The following DNAH3 variants were observed in gnomAD, a reference collection of about 807,000 sequenced individuals.
DNAH3 encodes the protein axonemal beta dynein heavy chain 3.
A neutral mutation model predicts 432.5 loss-of-function variants in DNAH3; 332 were observed. The observed-to-expected ratio is 0.77, with a 90% CI of 0.70 to 0.84. DNAH3 has a LOEUF of 0.84. DNAH3 is among the 40% of genes least tolerant of loss of function. The probability of loss-of-function intolerance (pLI) is 0.00; values close to 1 mark genes in which losing one functional copy is unlikely to be tolerated. For synonymous variants in DNAH3, 1,956 were observed against 1,900.2 expected (o/e 1.03, Z -0.76); for missense variants, 4,861 against 5,114.0 (o/e 0.95, Z 1.51).
At chr16:21,079,822 G>C (rs895027469) in intron 20 of DNAH3, among the ~76,000 whole-genome samples, 1 of 152,164 alleles carries the variant, frequency 6.6e-6, no homozygotes, top group Non-Finnish European at 1.5e-5. Flanking sequence ...CTCTAGGCCT[G>C]CTCGTTAATG....
exon 60 of DNAH3, chr16:20,936,828 G>C (rs761165887): frequency 6.2e-7 from 1 of 1,612,680 alleles, no homozygotes; most frequent in East Asian, 2.2e-5. Context: ...AGATTGATGA[G>C]GCTCCTCCGA....
At chr16:21,100,128 G>A (rs1361640727) in intron 16 of DNAH3, among the ~76,000 whole-genome samples, 1 of 152,116 alleles carries the variant, frequency 6.6e-6, no homozygotes, top group Non-Finnish European at 1.5e-5. Flanking sequence ...CTGGAGTGCA[G>A]TGGCACAATC....
chr16:20,944,206 A>AG (rs1555505992), intron 58 of DNAH3, among the ~76,000 whole-genome samples: 3 of 388 alleles, frequency 7.7e-3, no homozygotes, highest in South Asian at 0.038. Context: ...CAAAAGAAAA[A>AG]AAAAAAGAAT....
chr16:21,031,117 C>A lies in DNAH3; in HGVS notation c.5367G>T (p.Trp1789Cys). 1 of 1,614,146 alleles carries A rather than the reference C, an allele frequency of 6.2e-7. No individual in the cohort carries two copies. The highest frequency in any genetic ancestry group is 8.5e-7 in the Non-Finnish European group (1 of 1,180,024). ...CATCCACTGGCCCATCAAATATAATCCACTTGCGATCATCAGAGAGTGAAG... is the reference window on the plus strand; with the variant it reads ...CATCCACTGGCCCATCAAATATAATACACTTGCGATCATCAGAGAGTGAAG... The change falls in exon 37 of 62, where the codon TGG becomes TGT. Residue 1789 changes from tryptophan (W) to cysteine (C), a missense_variant. Physicochemically the swap from Trp to Cys is radical, Grantham distance 215. Transcript: ENST00000261383.
At chr16:20,997,164 A>C (rs2086796445) in intron 44 of DNAH3, 119 bp downstream of exon 44, 1 of 931,798 alleles carries the variant, frequency 1.1e-6, no homozygotes, top group Admixed American at 2.5e-5. Context: ...CTTCTGCTCC[A>C]TGCTCCTGCC....
At chr16:20,965,889 T>G (rs913697112) in intron 52 of DNAH3, among the ~76,000 whole-genome samples, 1 of 151,068 alleles carries the variant, frequency 6.6e-6, no homozygotes, top group South Asian at 2.1e-4. Context: ...ATTTTTGTAT[T>G]TTTAGTAGAG....
At chr16:20,954,341 A>AGTGTGGTGG (rs1390200757) in intron 55 of DNAH3, among the ~76,000 whole-genome samples, 1 of 142,196 alleles carries the variant, frequency 7.0e-6, no homozygotes, top group Non-Finnish European at 1.5e-5. Context: ...CCCAGGCTGG[A>AGTGTGGTGG]GTGTGGTGGT....
intron 46 of DNAH3, 22 bp from the exon 47 acceptor site, chr16:20,987,470 T>C: frequency 6.2e-7 from 1 of 1,613,406 alleles, no homozygotes; most frequent in Non-Finnish European, 8.5e-7. Context: ...GAGTTAATTA[T>C]TCAAACGAGT....
At chr16:21,111,751 G>A (rs754000957) in exon 14 of DNAH3, 48 of 1,613,820 alleles carry the variant, frequency 3.0e-5, no homozygotes, top group East Asian at 6.7e-5. Flanking sequence ...CTAAAGGCAC[G>A]GTGATGTTCA....
At chr16:21,074,268 C>T (rs1190210607) in intron 21 of DNAH3, among the ~76,000 whole-genome samples, 1 of 152,108 alleles carries the variant, frequency 6.6e-6, no homozygotes, top group African/African-American at 2.4e-5. Flanking sequence ...TTTTGGTTCT[C>T]AATCTACATT....
intron 18 of DNAH3, among the ~76,000 whole-genome samples, chr16:21,090,976 A>G (rs992339192): frequency 3.9e-5 from 6 of 151,984 alleles, no homozygotes; most frequent in African/African-American, 1.4e-4. Flanking sequence ...ACATGGCAAA[A>G]TCCTGTCTCT....
Position 20,954,972 on chromosome 16 carries a change from CTTTGG to C in DNAH3, c.10907_10911del (p.Pro3636ArgfsTer13). 1 of 1,614,162 alleles carries C rather than the reference CTTTGG, an allele frequency of 6.2e-7. No homozygotes were observed. The highest frequency in any genetic ancestry group is 1.1e-5 in the South Asian group (1 of 91,080). ...GAGCGCAACAGGTTGGCCCGGAGCC[CTTTGG>C]GGGGCTCATTGGTCATTTTGATTCC... On this transcript the variant is annotated frameshift_variant, in exon 55 of 62. Coordinates refer to ENST00000261383, the Ensembl canonical transcript of DNAH3. LOFTEE classifies it high-confidence loss of function.
chr16:21,058,050 G>T, intron 27 of DNAH3, 36 bp downstream of exon 27: 3 of 1,171,554 alleles, frequency 2.6e-6, no homozygotes, highest in Non-Finnish European at 3.9e-6. Context: ...ATTGATGCTT[G>T]GATCTCTTCT....
chr16:20,933,281 C>A, exon 62 of DNAH3: 1 of 1,614,118 alleles, frequency 6.2e-7, no homozygotes, highest in Non-Finnish European at 8.5e-7. Flanking sequence ...GGTTCCTCTG[C>A]GGGCACTTGT....
At position 21,012,873 on chromosome 16, in the gene DNAH3, C is replaced by T. The variant is rs116383784; in HGVS notation, c.6022+6751G>A. On this transcript the variant is annotated intron_variant, in intron 41 of 61. Transcript: ENST00000261383. Reference sequence around the variant, plus strand: ...AACTCCTAGGCTCAAGCAATCATCCCGCCTCAGCCTCCTGAGTAGGTGGGA... The same window carrying T: ...AACTCCTAGGCTCAAGCAATCATCCTGCCTCAGCCTCCTGAGTAGGTGGGA... Among the ~76,000 whole-genome samples the T allele has an allele frequency of 5.3e-3, 808 of 152,112 alleles. 5 individuals are homozygous for T. The highest frequency in any genetic ancestry group is 0.018 in the African/African-American group (746 of 41,494).
intron 41 of DNAH3, among the ~76,000 whole-genome samples, chr16:21,016,744 T>A (rs888209698): frequency 6.6e-6 from 1 of 152,114 alleles, no homozygotes; most frequent in Non-Finnish European, 1.5e-5. Context: ...AGCCAAAAGG[T>A]GCAAATAACT....
chr16:20,944,158 AAGAG>A (rs149183028), intron 58 of DNAH3, among the ~76,000 whole-genome samples: 1 of 151,176 alleles, frequency 6.6e-6, no homozygotes, highest in Non-Finnish European at 1.5e-5. Context: ...TTAAAAAAAA[AAGAG>A]AGTTAGTTTT....
intron 53 of DNAH3, among the ~76,000 whole-genome samples, chr16:20,960,664 C>T (rs1191027070): frequency 1.3e-5 from 2 of 152,158 alleles, no homozygotes; most frequent in African/African-American, 2.4e-5. Flanking sequence ...GAGATCACGC[C>T]ACTGCACTCT....
intron 61 of DNAH3, among the ~76,000 whole-genome samples, chr16:20,934,568 G>A (rs918238606): frequency 6.6e-6 from 1 of 152,138 alleles, no homozygotes; most frequent in Non-Finnish European, 1.5e-5. Context: ...GTGAAAAATG[G>A]AATGGGTGTA....
Sources: gnomAD v4.1 joint callset for allele counts (sites outside exome capture counted in the v4.1 genomes callset) on GRCh38, gnomAD v4.1.1 for gene constraint, MANE v1.5 for transcripts, NCBI Gene and HGNC (gene_info 2026-07-23, HGNC 2026-07-21) for gene names.